MICU3: variants seen among roughly 807,000 people sequenced by gnomAD.
MICU3 encodes the protein mitochondrial calcium uptake 3.
A neutral mutation model predicts 66.5 loss-of-function variants in MICU3; 62 were observed. That is an observed-to-expected ratio of 0.93 (90% CI 0.76 to 1.15). The LOEUF (loss-of-function observed/expected upper bound fraction) is 1.15. Ranked by LOEUF, MICU3 falls within the 50% of genes most tolerant of loss-of-function variation. The pLI is 0.00. For missense variants in MICU3, 779 were observed against 664.4 expected (o/e 1.17, Z -1.90); for synonymous variants, 308 against 240.7 (o/e 1.28, Z -2.59).
chr8:17,066,711 A>T (rs1460001629), intron 2 of MICU3, among the ~76,000 whole-genome samples: 1 of 151,078 alleles, frequency 6.6e-6, no homozygotes, highest in Non-Finnish European at 1.5e-5. Flanking sequence ...CCACCAGCTA[A>T]TTTTTTAAAT....
chr8:17,106,059 G>C (rs192130765), intron 11 of MICU3, among the ~76,000 whole-genome samples: 1 of 152,100 alleles, frequency 6.6e-6, no homozygotes, highest in Admixed American at 6.5e-5. Context: ...GTCATGAATG[G>C]TTAAGAACCT....
At chr8:17,107,288 G>A (rs1030222482) in intron 11 of MICU3, among the ~76,000 whole-genome samples, 12 of 152,120 alleles carry the variant, frequency 7.9e-5, no homozygotes, top group African/African-American at 2.9e-4. Flanking sequence ...GGTAACTTCT[G>A]GGGAGAGACT....
At chr8:17,112,285 G>C (rs1159497167) in intron 11 of MICU3, among the ~76,000 whole-genome samples, 4 of 152,136 alleles carry the variant, frequency 2.6e-5, no homozygotes, top group Non-Finnish European at 4.4e-5. Flanking sequence ...CAGCTTTTCA[G>C]TTATCATTGT....
intron 2 of MICU3, among the ~76,000 whole-genome samples, chr8:17,066,508 G>A (rs1818701888): frequency 1.7e-5 from 2 of 114,964 alleles, no homozygotes; most frequent in South Asian, 5.3e-4. Context: ...TTAAGTGATT[G>A]TTAATAATCT....
chr8:17,063,570 A>G (rs1375640922), intron 1 of MICU3, among the ~76,000 whole-genome samples: 2 of 152,160 alleles, frequency 1.3e-5, no homozygotes, highest in African/African-American at 2.4e-5. Context: ...AGTGATCTGG[A>G]ACTAGCAATT....
intron 1 of MICU3, among the ~76,000 whole-genome samples, chr8:17,058,769 T>C (rs1330618290): frequency 6.6e-6 from 1 of 152,182 alleles, no homozygotes; most frequent in African/African-American, 2.4e-5. Flanking sequence ...CACTCTGAGG[T>C]GTAGCTTGGT....
chr8:17,072,497 A>G (rs1187604472), intron 3 of MICU3, among the ~76,000 whole-genome samples: 4 of 151,868 alleles, frequency 2.6e-5, no homozygotes, highest in African/African-American at 9.7e-5. Flanking sequence ...ACTCAAAATT[A>G]TTGGCAATGT....
At chr8:17,029,488 T>A (rs921445369) in intron 1 of MICU3, among the ~76,000 whole-genome samples, 6 of 152,218 alleles carry the variant, frequency 3.9e-5, no homozygotes, top group East Asian at 1.9e-4. Flanking sequence ...AAAAAAAAAA[T>A]TATTTTTTAT....
At chr8:17,101,039 C>A (rs755771800) in intron 9 of MICU3, among the ~76,000 whole-genome samples, 8 of 151,686 alleles carry the variant, frequency 5.3e-5, no homozygotes, top group Non-Finnish European at 7.4e-5. Flanking sequence ...TTCGATACCT[C>A]GTAGGGTTAT....
chr8:17,027,285 T>G lies in MICU3; in HGVS notation c.6T>G (p.Ala2=), dbSNP rs747235012. M[A]ALRRLLWPPP... is the part of the protein sequence containing the mutation. ...TGGTGTGGGCGGCCTCCGCTATGGCTGCGCTGCGAAGGCTCTTGTGGCCGC... is the reference window on the plus strand; with the variant it reads ...TGGTGTGGGCGGCCTCCGCTATGGCGGCGCTGCGAAGGCTCTTGTGGCCGC... Residue 2 remains alanine, a synonymous_variant, in exon 1 of 15, where the codon GCT becomes GCG. Transcript: ENST00000318063. The G allele has an allele frequency of 4.0e-6, 5 of 1,262,486 alleles. No individual in the cohort carries two copies. In the African/African-American group the frequency reaches 8.6e-5, roughly 22 times the overall value. The allele number at this position is 1,262,486 out of a possible 1,614,324, so 78.2% of individuals were successfully genotyped here.
rs1310757879 is a variant in MICU3, at chr8:17,076,774, C to T, written c.568-1009C>T. Among the ~76,000 whole-genome samples the T allele has an allele frequency of 2.0e-5, 3 of 152,114 alleles. No individual in the cohort carries two copies. The South Asian group carries it at 6.2e-4, about 32-fold the overall frequency. On this transcript the variant is annotated intron_variant, in intron 3 of 14. Transcript: ENST00000318063. ...GTTGTTAAAAATGCAGGTTGTGGTT[C>T]AGTAGGTCTGGGATGGGCACTGAGA... is the stretch of plus-strand genomic sequence containing the variant.
chr8:17,068,180 A>G (rs1316726325), intron 2 of MICU3, among the ~76,000 whole-genome samples: 1 of 152,206 alleles, frequency 6.6e-6, no homozygotes, highest in Non-Finnish European at 1.5e-5. Context: ...AGTTATATTT[A>G]TATGTGCAGT....
intron 14 of MICU3, among the ~76,000 whole-genome samples, chr8:17,119,257 A>G (rs1179088199): frequency 6.6e-6 from 1 of 152,146 alleles, no homozygotes; most frequent in Admixed American, 6.6e-5. Flanking sequence ...ATTCTATCTT[A>G]TTCATTTATT....
intron 9 of MICU3, among the ~76,000 whole-genome samples, 152 bp from the exon 10 acceptor site, chr8:17,104,238 TG>T (rs1409217865): frequency 6.6e-6 from 1 of 151,972 alleles, no homozygotes; most frequent in African/African-American, 2.4e-5. Context: ...TATAATTGCA[TG>T]TATTAATATG....
At chr8:17,114,442 G>A (rs1003445) in intron 12 of MICU3, among the ~76,000 whole-genome samples, 5,612 of 152,154 alleles carry the variant, frequency 0.037, 388 homozygotes, top group African/African-American at 0.13. Context: ...GCAGCTGGTC[G>A]TGCCCTGTTC....
intron 8 of MICU3, among the ~76,000 whole-genome samples, chr8:17,092,649 T>C (rs889519801): frequency 1.3e-5 from 2 of 151,944 alleles, no homozygotes; most frequent in African/African-American, 4.8e-5. Context: ...AAATTTCCTA[T>C]AATAGAAAAA....
At chr8:17,110,610 C>CCCT (rs1397799220) in intron 11 of MICU3, among the ~76,000 whole-genome samples, 1 of 152,154 alleles carries the variant, frequency 6.6e-6, no homozygotes, top group Non-Finnish European at 1.5e-5. Context: ...GCCACCCAGG[C>CCCT]TGGAGTGCAG....
chr8:17,053,579 G>C (rs549648792), intron 1 of MICU3, among the ~76,000 whole-genome samples: 1 of 152,088 alleles, frequency 6.6e-6, no homozygotes, highest in Non-Finnish European at 1.5e-5. Context: ...TTATTTTTCT[G>C]GGAAAGATGA....
chr8:17,034,922 G>T (rs924706111), intron 1 of MICU3, among the ~76,000 whole-genome samples: 5 of 152,176 alleles, frequency 3.3e-5, no homozygotes, highest in Non-Finnish European at 7.3e-5. Flanking sequence ...GATATAGTTT[G>T]GCTCAGTGTC....
Sources: gnomAD v4.1 joint callset for allele counts (sites outside exome capture counted in the v4.1 genomes callset) on GRCh38, gnomAD v4.1.1 for gene constraint, MANE v1.5 for transcripts, NCBI Gene and HGNC (gene_info 2026-07-23, HGNC 2026-07-21) for gene names.